Variants in TTLL5 observed in about 807,000 individuals in gnomAD.
The protein encoded by TTLL5 is tubulin polyglutamylase TTLL5.
Under a neutral mutation model 168.4 loss-of-function variants are expected in TTLL5, and 132 were observed. The ratio of observed to expected loss-of-function variants is 0.78; its 90% CI spans 0.68 to 0.91. The LOEUF is 0.91. Among genes scored for constraint, TTLL5 ranks in the 40% least tolerant of loss-of-function variants. The pLI is 0.00. For missense variants in TTLL5, 1,545 were observed against 1,581.5 expected, an observed-to-expected ratio of 0.98 and a Z score of 0.39; for synonymous variants, 546 against 558.6, an observed-to-expected ratio of 0.98 and a Z score of 0.32.
intron 2 of TTLL5, among the ~76,000 whole-genome samples, chr14:75,665,552 A>G (rs1883193085): frequency 6.6e-6 from 1 of 152,238 alleles, no homozygotes; most frequent in African/African-American, 2.4e-5. Context: ...ACTTAGAAGT[A>G]GTGACAAATG....
chr14:75,877,615 GCT>G (rs1189819521), intron 29 of TTLL5, among the ~76,000 whole-genome samples: 1 of 152,220 alleles, frequency 6.6e-6, no homozygotes, highest in East Asian at 1.9e-4. Flanking sequence ...TGCTTACACA[GCT>G]CTCTCATTCC....
chr14:75,938,168 T>A (rs1362978083), intron 31 of TTLL5, among the ~76,000 whole-genome samples: 1 of 152,232 alleles, frequency 6.6e-6, no homozygotes, highest in Non-Finnish European at 1.5e-5. Flanking sequence ...GACAATACTG[T>A]TAGAATTTTC....
chr14:75,873,285 A>G (rs11624407), intron 29 of TTLL5, among the ~76,000 whole-genome samples: 134,113 of 152,078 alleles, frequency 0.88, 59,228 homozygotes, highest in East Asian at 0.92. Context: ...CGTGTTAGCC[A>G]GGATGGTCTC....
intron 31 of TTLL5, among the ~76,000 whole-genome samples, chr14:75,923,121 G>A (rs950718972): frequency 4.6e-5 from 7 of 151,986 alleles, no homozygotes; most frequent in African/African-American, 1.7e-4. Flanking sequence ...AGTCTTGCTA[G>A]CAGTCTGTCA....
At chr14:75,740,013 A>G (rs910392542) in intron 15 of TTLL5, among the ~76,000 whole-genome samples, 1 of 152,184 alleles carries the variant, frequency 6.6e-6, no homozygotes, top group Non-Finnish European at 1.5e-5. Context: ...GTTAATACCC[A>G]TTCCAGAAAT....
intron 16 of TTLL5, 84 bp from the exon 17 acceptor site, chr14:75,745,406 G>A: frequency 5.0e-6 from 7 of 1,397,690 alleles, no homozygotes; most frequent in Non-Finnish European, 7.1e-6. Flanking sequence ...ATATTCTTGG[G>A]TCATAACTAT....
At chr14:75,709,336 A>G (rs773966762) in intron 9 of TTLL5, 62 of 638,746 alleles carry the variant, frequency 9.7e-5, no homozygotes, top group Non-Finnish European at 1.5e-4. Flanking sequence ...GTATCCTATG[A>G]CTTGAAATCA....
intron 3 of TTLL5, among the ~76,000 whole-genome samples, chr14:75,670,123 T>C (rs1883615896): frequency 6.6e-6 from 1 of 152,392 alleles, no homozygotes; most frequent in African/African-American, 2.4e-5. Flanking sequence ...AACATTCCAT[T>C]GTATATGCTA....
At chr14:75,690,095 G>T in intron 5 of TTLL5, 97 bp from the exon 6 acceptor site, 1 of 1,312,838 alleles carries the variant, frequency 7.6e-7, no homozygotes, top group Non-Finnish European at 1.1e-6. Context: ...TTCACTAACC[G>T]GTCTAGGACT....
chr14:75,681,571 G>A lies in TTLL5; in HGVS notation c.208G>A (p.Val70Ile), dbSNP rs761068583. ...ACGTTATCATTTGTCTTATAAGATT[G>A]TACGAACGGACAGTCGCCTAGTACG... ...GERYHLSYKI[V>I]RTDSRLVRSI... Residue 70 changes from valine (V) to isoleucine (I), a missense_variant, in exon 4 of 32, where the codon GTA becomes ATA. Physicochemically the swap from Val to Ile is conservative, Grantham distance 29 (BLOSUM62 3). Transcript: ENST00000298832. 2.7e-5 allele frequency: 44 copies of A among 1,613,360 alleles called. No individual in the cohort carries two copies. The highest frequency in any genetic ancestry group is 3.6e-5 in the Non-Finnish European group (42 of 1,179,906).
chr14:75,948,694 AATAAAG>A (rs1408847496), intron 31 of TTLL5, among the ~76,000 whole-genome samples: 1 of 152,160 alleles, frequency 6.6e-6, no homozygotes, highest in Non-Finnish European at 1.5e-5. Context: ...TAATAGCAAT[AATAAAG>A]ATATAGAGGA....
intron 22 of TTLL5, 94 bp downstream of exon 22, chr14:75,775,724 T>C: frequency 2.1e-6 from 3 of 1,451,440 alleles, no homozygotes; most frequent in Non-Finnish European, 2.8e-6. Context: ...ATGGAGACAC[T>C]CTTCTTCTGT....
intron 3 of TTLL5, among the ~76,000 whole-genome samples, chr14:75,672,023 C>G (rs1883789586): frequency 6.6e-6 from 1 of 152,112 alleles, no homozygotes. Context: ...TGTCCTTTGT[C>G]ATGTTGAGAA....
chr14:75,819,267 A>C (rs1161552791), intron 27 of TTLL5, among the ~76,000 whole-genome samples: 2 of 152,238 alleles, frequency 1.3e-5, no homozygotes, highest in South Asian at 2.1e-4. Context: ...ATATATTTTA[A>C]TAAGGTATTG....
intron 29 of TTLL5, among the ~76,000 whole-genome samples, chr14:75,867,158 G>A (rs2030588341): frequency 6.6e-6 from 1 of 152,164 alleles, no homozygotes; most frequent in South Asian, 2.1e-4. Context: ...AGTGAAAACA[G>A]CCATAAACAA....
intron 17 of TTLL5, among the ~76,000 whole-genome samples, chr14:75,751,396 C>T (rs1889944605): frequency 6.6e-6 from 1 of 152,130 alleles, no homozygotes; most frequent in South Asian, 2.1e-4. Context: ...CCTCACTACT[C>T]TTATCTTTTG....
chr14:75,860,113 GT>G (rs1184041856), intron 28 of TTLL5, among the ~76,000 whole-genome samples: 1 of 152,182 alleles, frequency 6.6e-6, no homozygotes, highest in Non-Finnish European at 1.5e-5. Flanking sequence ...CATTATAAAA[GT>G]TTATGATGTT....
At chr14:75,727,821 G>A (rs1356681268) in intron 12 of TTLL5, 1 of 502,688 alleles carries the variant, frequency 2.0e-6, no homozygotes, top group South Asian at 1.5e-5. Flanking sequence ...AAACTAATCT[G>A]TGATGAAAGA....
chr14:75,792,805 G>A, intron 26 of TTLL5, 111 bp from the exon 27 acceptor site: 1 of 868,816 alleles, frequency 1.2e-6, no homozygotes, highest in Non-Finnish European at 1.6e-6. Context: ...TATTATTAAA[G>A]ATCCTTAGGG....
Sources: allele counts gnomAD v4.1 joint callset (sites outside exome capture counted in the v4.1 genomes callset), GRCh38; gene constraint gnomAD v4.1.1; transcripts MANE v1.5; gene names NCBI Gene and HGNC (gene_info 2026-07-23, HGNC 2026-07-21).